The following EEFSEC variants were observed in gnomAD, a reference collection of about 807,000 sequenced individuals.
The protein encoded by EEFSEC is selenocysteine-specific elongation factor.
A neutral mutation model predicts 42.1 loss-of-function variants in EEFSEC; 43 were observed. The ratio of observed to expected loss-of-function variants is 1.02; its 90% CI spans 0.80 to 1.32. The LOEUF (loss-of-function observed/expected upper bound fraction) is 1.32, where lower values mean the gene tolerates loss of function less well. Ranked by LOEUF, EEFSEC falls within the 40% of genes most tolerant of loss-of-function variation. EEFSEC has a pLI of 0.00. For synonymous variants in EEFSEC, 354 were observed against 339.1 expected, an observed-to-expected ratio of 1.04 and a Z score of -0.48; for missense variants, 745 against 803.6, an observed-to-expected ratio of 0.93 and a Z score of 0.88.
At chr3:128,420,237 G>A in the EEFSEC span, among the ~76,000 whole-genome samples, 7 of 152,240 alleles carry the variant, frequency 4.6e-5, no homozygotes, top group African/African-American at 1.7e-4. Context: ...AGAACTGACT[G>A]CAATTAAAGC....
intron 4 of EEFSEC, among the ~76,000 whole-genome samples, chr3:128,286,168 T>C (rs1380363902): frequency 6.6e-6 from 1 of 152,248 alleles, no homozygotes; most frequent in Non-Finnish European, 1.5e-5. Context: ...TTTTTACTGC[T>C]GTATGGGGTC....
intron 1 of EEFSEC, among the ~76,000 whole-genome samples, chr3:128,170,365 C>T (rs1247569468): frequency 6.6e-6 from 1 of 152,148 alleles, no homozygotes; most frequent in African/African-American, 2.4e-5. Flanking sequence ...AGTTCGAGAC[C>T]AGCCTAGCCA....
At chr3:128,297,181 G>A (rs1322417494) in intron 4 of EEFSEC, among the ~76,000 whole-genome samples, 3 of 152,058 alleles carry the variant, frequency 2.0e-5, no homozygotes, top group Admixed American at 2.0e-4. Context: ...GGTGGTCAGG[G>A]AGATGTGTAC....
chr3:128,413,385 C>T (rs1328376585), downstream of EEFSEC, among the ~76,000 whole-genome samples: 2 of 152,148 alleles, frequency 1.3e-5, no homozygotes, highest in African/African-American at 2.4e-5. Context: ...GCCTTGTGCT[C>T]CCTGGGGCAA....
intron 1 of EEFSEC, among the ~76,000 whole-genome samples, chr3:128,193,446 C>T (rs1213070857): frequency 6.6e-6 from 1 of 152,244 alleles, no homozygotes; most frequent in Non-Finnish European, 1.5e-5. Context: ...CTGCCCTCTG[C>T]CTGTAGCCTG....
chr3:128,201,514 T>C (rs1020383195), intron 1 of EEFSEC, among the ~76,000 whole-genome samples: 4 of 152,242 alleles, frequency 2.6e-5, no homozygotes, highest in Non-Finnish European at 5.9e-5. Flanking sequence ...GTAGATCTTC[T>C]TTTGTGAAGC....
downstream of EEFSEC, among the ~76,000 whole-genome samples, chr3:128,410,250 A>G (rs1351368051): frequency 1.3e-5 from 2 of 152,204 alleles, no homozygotes; most frequent in Non-Finnish European, 2.9e-5. Context: ...GCTGGGAGCC[A>G]GGCCACACCC....
In EEFSEC at chr3:128,229,537, C is replaced by T. The variant is rs146712804; in HGVS notation, c.317-17299C>T. Among the ~76,000 whole-genome samples, 1,020 of 152,310 alleles carry T rather than the reference C, an allele frequency of 6.7e-3. 14 individuals carry two copies. Among genetic ancestry groups the T allele is most frequent in the African/African-American group, 0.023 (940 of 41,554 alleles). On this transcript the variant is annotated intron_variant, in intron 1 of 6. Transcript: ENST00000254730. ...GGCATAGCGGACTGATTCCTGAGTG[C>T]TTTTCTGACTCCAATAGTTACAGGC...
chr3:128,206,550 G>T (rs1056028995), intron 1 of EEFSEC, among the ~76,000 whole-genome samples: 2 of 151,910 alleles, frequency 1.3e-5, no homozygotes, highest in Admixed American at 1.3e-4. Context: ...AAGATGATGA[G>T]AATAGGACAT....
intron 4 of EEFSEC, among the ~76,000 whole-genome samples, chr3:128,294,654 C>G (rs1338832808): frequency 6.6e-6 from 1 of 152,036 alleles, no homozygotes; most frequent in East Asian, 1.9e-4. Flanking sequence ...TAGGGAGGGA[C>G]CCCAAGGGAG....
chr3:128,399,920 C>T (rs545247817), intron 6 of EEFSEC, among the ~76,000 whole-genome samples: 1 of 152,316 alleles, frequency 6.6e-6, no homozygotes, highest in East Asian at 1.9e-4. Context: ...GACTCAGCTG[C>T]ACCACAACTG....
intron 1 of EEFSEC, among the ~76,000 whole-genome samples, chr3:128,226,249 A>G (rs988522765): frequency 1.3e-5 from 2 of 152,222 alleles, no homozygotes; most frequent in African/African-American, 4.8e-5. Flanking sequence ...AAAGGAGGAC[A>G]TCAGAACCAA....
intron 1 of EEFSEC, among the ~76,000 whole-genome samples, chr3:128,233,093 T>G (rs563011504): frequency 6.6e-6 from 1 of 152,324 alleles, no homozygotes; most frequent in African/African-American, 2.4e-5. Context: ...AGGTCATGCA[T>G]TTTCCAGTTT....
At chr3:128,183,481 T>C (rs1256142127) in intron 1 of EEFSEC, among the ~76,000 whole-genome samples, 1 of 152,220 alleles carries the variant, frequency 6.6e-6, no homozygotes, top group Non-Finnish European at 1.5e-5. Flanking sequence ...ACACTTAAGC[T>C]CTTTTCCTGC....
intron 1 of EEFSEC, among the ~76,000 whole-genome samples, chr3:128,243,009 G>A (rs2066087978): frequency 6.6e-6 from 1 of 152,180 alleles, no homozygotes; most frequent in East Asian, 1.9e-4. Flanking sequence ...CGGGCCAGTT[G>A]TGTCACTTCC....
chr3:128,175,657 G>A lies in EEFSEC; in HGVS notation c.316+21834G>A, dbSNP rs1336497668. Among the ~76,000 whole-genome samples the A allele has an allele frequency of 3.9e-5, 6 of 152,358 alleles. No individual in the cohort carries two copies. The East Asian group carries it at 1.2e-3, about 29-fold the overall frequency. On this transcript the variant is annotated intron_variant, in intron 1 of 6. Coordinates refer to ENST00000254730, the MANE Select transcript of EEFSEC (RefSeq NM_021937.5). ...GCTATGCCAGCCCAACAGAGTGCAG[G>A]CTTTGGAAAGCCCAAATGAAAACGA...
intron 4 of EEFSEC, among the ~76,000 whole-genome samples, chr3:128,288,928 C>A (rs2066614562): frequency 6.6e-6 from 1 of 152,162 alleles, no homozygotes; most frequent in South Asian, 2.1e-4. Context: ...AGGTATAGGG[C>A]TTTTCAGAGG....
intron 2 of EEFSEC, among the ~76,000 whole-genome samples, chr3:128,247,413 C>CAT (rs2066139563): frequency 6.6e-6 from 1 of 152,196 alleles, no homozygotes; most frequent in Non-Finnish European, 1.5e-5. Flanking sequence ...GTCCCGCCTA[C>CAT]ATATATTGGC....
chr3:128,305,625 C>T (rs991626544), intron 4 of EEFSEC, among the ~76,000 whole-genome samples: 2 of 152,112 alleles, frequency 1.3e-5, no homozygotes, highest in African/African-American at 4.8e-5. Flanking sequence ...GTTATATCTT[C>T]AAATTCATTT....
Sources: allele counts gnomAD v4.1 joint callset (sites outside exome capture counted in the v4.1 genomes callset), GRCh38; gene constraint gnomAD v4.1.1; transcripts MANE v1.5; gene names NCBI Gene and HGNC (gene_info 2026-07-23, HGNC 2026-07-21).